The following PRKN variants were observed in gnomAD, a reference collection of about 807,000 sequenced individuals.
The protein encoded by PRKN is parkin RBR E3 ubiquitin protein ligase.
A neutral mutation model predicts 59.5 loss-of-function variants in PRKN; 56 were observed. The ratio of observed to expected loss-of-function variants is 0.94; its 90% CI spans 0.76 to 1.18. PRKN has a LOEUF of 1.18. PRKN is among the 50% of genes most tolerant of loss of function. PRKN has a pLI of 0.00. For synonymous variants in PRKN, 250 were observed against 222.1 expected, an observed-to-expected ratio of 1.13 and a Z score of -1.12; for missense variants, 657 against 596.4, an observed-to-expected ratio of 1.10 and a Z score of -1.06.
chr6:161,933,361 A>G (rs1173271476), intron 6 of PRKN, among the ~76,000 whole-genome samples: 2 of 152,212 alleles, frequency 1.3e-5, no homozygotes, highest in East Asian at 1.9e-4. Flanking sequence ...ACTCCATTAG[A>G]TAATAATGTA....
At chr6:161,512,074 G>A (rs188442561) in intron 9 of PRKN, among the ~76,000 whole-genome samples, 151 of 152,302 alleles carry the variant, frequency 9.9e-4, no homozygotes, top group African/African-American at 3.0e-3. Context: ...AAATTATACA[G>A]TAGCTTGATG....
rs373703677 is a variant in PRKN at position 161,352,726 on chromosome 6, AGTGTGTGTGT to A, written c.1286-2525_1286-2516del. On this transcript the variant is annotated intron_variant, in intron 11 of 11. Transcript: ENST00000366898. The surrounding 1 kb of genome is among the most constrained non-coding windows in gnomAD (Gnocchi z 5.8). ...TATATAAACACAAATATGTATGAAGAGTGTGTGTGTGTGTGTGTGTGTGTGTGTGTATATA... is the reference window on the plus strand; with the variant it reads ...TATATAAACACAAATATGTATGAAGAGTGTGTGTGTGTGTGTGTGTATATA... Among the ~76,000 whole-genome samples, 6 of 128,520 alleles carry A rather than the reference AGTGTGTGTGT, an allele frequency of 4.7e-5. No individual in the cohort carries two copies. The highest frequency in any genetic ancestry group is 2.3e-4 in the Admixed American group (3 of 13,158). The allele number at this position is 128,520 out of a possible 152,430, so 84.3% of individuals were successfully genotyped here.
chr6:162,147,589 T>C (rs1288366857), intron 4 of PRKN, among the ~76,000 whole-genome samples: 2 of 152,138 alleles, frequency 1.3e-5, no homozygotes, highest in African/African-American at 4.8e-5. Context: ...CTAAATATGA[T>C]TTCATGATAC....
At chr6:162,313,933 T>C (rs1468813082) in intron 2 of PRKN, among the ~76,000 whole-genome samples, 1 of 152,194 alleles carries the variant, frequency 6.6e-6, no homozygotes, top group East Asian at 1.9e-4. Context: ...GTGTAAATAC[T>C]ATTGTTTGTT....
intron 4 of PRKN, among the ~76,000 whole-genome samples, chr6:162,068,002 C>T (rs1778407753): frequency 6.6e-6 from 1 of 152,100 alleles, no homozygotes; most frequent in African/African-American, 2.4e-5. Flanking sequence ...CTTCAGAGGC[C>T]GATGTCGGAC....
At chr6:161,443,530 A>T (rs1262407429) in intron 9 of PRKN, among the ~76,000 whole-genome samples, 1 of 152,220 alleles carries the variant, frequency 6.6e-6, no homozygotes, top group Non-Finnish European at 1.5e-5. Flanking sequence ...ATTGTCGCAC[A>T]GACTTTGTAA....
intron 5 of PRKN, among the ~76,000 whole-genome samples, chr6:162,044,461 T>C (rs1784180048): frequency 6.6e-6 from 1 of 152,206 alleles, no homozygotes; most frequent in Non-Finnish European, 1.5e-5. Context: ...CCTCTGCATT[T>C]CAGCTCAACG....
At chr6:162,226,817 A>C (rs1309235895) in intron 3 of PRKN, among the ~76,000 whole-genome samples, 1 of 152,218 alleles carries the variant, frequency 6.6e-6, no homozygotes, top group South Asian at 2.1e-4. Flanking sequence ...CTTGAGCCTA[A>C]GAATTCCTAG....
intron 2 of PRKN, among the ~76,000 whole-genome samples, chr6:162,387,561 G>C (rs202017395): frequency 0.23 from 12,087 of 53,168 alleles, 677 homozygotes; most frequent in East Asian, 0.52. Context: ...CACACAGAGA[G>C]AGAGAGAGAG....
chr6:161,890,945 A>G (rs1465777608), intron 6 of PRKN, among the ~76,000 whole-genome samples: 1 of 152,216 alleles, frequency 6.6e-6, no homozygotes, highest in Non-Finnish European at 1.5e-5. Context: ...TTTACAGCAG[A>G]AAATGAAGTG....
chr6:161,488,102 T>C lies in PRKN; in HGVS notation c.1083+60752A>G, dbSNP rs1232225007. On this transcript the variant is annotated intron_variant, in intron 9 of 11. Transcript: ENST00000366898. This position sits in a 1 kb window ranked among gnomAD's most constrained non-coding sequence, Gnocchi z 4.5. ...CTTACAGGGTGAGATCGTGCAGTGGTTGGGGAAGGCATGGTCTAAGCAGGC... is the reference window on the plus strand; with the variant it reads ...CTTACAGGGTGAGATCGTGCAGTGGCTGGGGAAGGCATGGTCTAAGCAGGC... Among the ~76,000 whole-genome samples the C allele has an allele frequency of 6.6e-6, 1 of 152,008 alleles. No homozygotes were observed. Among genetic ancestry groups the C allele is most frequent in the Non-Finnish European group, 1.5e-5 (1 of 67,982 alleles).
At chr6:161,433,939 C>G (rs906604141) in intron 9 of PRKN, among the ~76,000 whole-genome samples, 3 of 151,996 alleles carry the variant, frequency 2.0e-5, no homozygotes, top group Admixed American at 2.0e-4. Flanking sequence ...ATTATCTGAA[C>G]CCGGGAGGCA....
At chr6:162,660,358 T>C (rs191531490) in intron 1 of PRKN, among the ~76,000 whole-genome samples, 38 of 152,276 alleles carry the variant, frequency 2.5e-4, no homozygotes, top group South Asian at 8.3e-4. Flanking sequence ...TTCTCACCTT[T>C]CCTTATGCAG....
At chr6:162,110,951 T>C (rs1335057818) in intron 4 of PRKN, among the ~76,000 whole-genome samples, 1 of 152,118 alleles carries the variant, frequency 6.6e-6, no homozygotes, top group Non-Finnish European at 1.5e-5. Flanking sequence ...TTTAAGTATG[T>C]CAGAGTTGAG....
At chr6:162,658,718 A>C (rs944998753) in intron 1 of PRKN, among the ~76,000 whole-genome samples, 1 of 151,802 alleles carries the variant, frequency 6.6e-6, no homozygotes, top group African/African-American at 2.4e-5. Flanking sequence ...ACAAAAGAAA[A>C]AAAAAAGAAA....
At chr6:162,222,024 TA>T (rs1777958070) in intron 3 of PRKN, among the ~76,000 whole-genome samples, 1 of 152,092 alleles carries the variant, frequency 6.6e-6, no homozygotes, top group Non-Finnish European at 1.5e-5. Context: ...AAGATAAAAG[TA>T]GATTTAATGC....
intron 3 of PRKN, among the ~76,000 whole-genome samples, chr6:162,222,691 G>C (rs1777987252): frequency 2.0e-5 from 3 of 152,226 alleles, no homozygotes; most frequent in Admixed American, 6.5e-5. Flanking sequence ...CTGCGGGTCA[G>C]ACCTGAGGAA....
chr6:162,595,737 A>C (rs1367127443), intron 1 of PRKN, among the ~76,000 whole-genome samples: 3 of 152,230 alleles, frequency 2.0e-5, no homozygotes, highest in Non-Finnish European at 4.4e-5. Flanking sequence ...AAAGGAGTTA[A>C]GGTTGAACAT....
intron 6 of PRKN, among the ~76,000 whole-genome samples, chr6:161,904,876 T>C (rs1399434059): frequency 6.6e-6 from 1 of 152,008 alleles, no homozygotes; most frequent in Non-Finnish European, 1.5e-5. Flanking sequence ...AGGTCTGATG[T>C]GGGGGGAGTC....
Sources: allele counts gnomAD v4.1 joint callset (sites outside exome capture counted in the v4.1 genomes callset), GRCh38; gene constraint gnomAD v4.1.1; non-coding constraint Gnocchi (gnomAD v3.1); transcripts MANE v1.5; gene names NCBI Gene and HGNC (gene_info 2026-07-23, HGNC 2026-07-21).